The following VPS45 variants were observed in gnomAD, a reference collection of about 807,000 sequenced individuals.
The protein encoded by VPS45 is vacuolar protein sorting 45 homolog.
VPS45 carries 35 observed loss-of-function variants against 75.9 expected under a neutral mutation model. That is an observed-to-expected ratio of 0.46 (90% CI 0.35 to 0.61). VPS45 has a LOEUF of 0.61. Among genes scored for constraint, VPS45 ranks in the 20% least tolerant of loss-of-function variants. The pLI, the probability that VPS45 is intolerant of heterozygous loss-of-function variation, is 0.00. For missense variants in VPS45, 559 were observed against 685.9 expected (o/e 0.81, Z 2.07); for synonymous variants, 220 against 238.2 (o/e 0.92, Z 0.70).
intron 14 of VPS45, among the ~76,000 whole-genome samples, chr1:150,131,886 G>C (rs1553812482): frequency 2.0e-5 from 3 of 151,902 alleles, no homozygotes; most frequent in African/African-American, 7.3e-5. Flanking sequence ...GTGTGGAGAA[G>C]GTCAGTTAAA....
intron 13 of VPS45, among the ~76,000 whole-genome samples, chr1:150,097,328 C>T (rs1656719828): frequency 6.6e-6 from 1 of 151,366 alleles, no homozygotes; most frequent in Non-Finnish European, 1.5e-5. Flanking sequence ...TCGTGATCCG[C>T]CCGCCTCACC....
At chr1:150,125,872 G>C (rs587642660) in intron 14 of VPS45, among the ~76,000 whole-genome samples, 1 of 151,828 alleles carries the variant, frequency 6.6e-6, no homozygotes, top group South Asian at 2.1e-4. Context: ...ATTTTTAGTA[G>C]AGACGGGCTT....
chr1:150,073,894 C>T (rs1553797505), intron 3 of VPS45, among the ~76,000 whole-genome samples: 1 of 151,876 alleles, frequency 6.6e-6, no homozygotes, highest in East Asian at 1.9e-4. Flanking sequence ...TTTTGTCATT[C>T]GAAGAATGTT....
At chr1:150,087,978 A>G (rs1656103031) in intron 10 of VPS45, among the ~76,000 whole-genome samples, 1 of 152,160 alleles carries the variant, frequency 6.6e-6, no homozygotes, top group Admixed American at 6.5e-5. Context: ...ATGGAATACA[A>G]TGTGATGTTT....
intron 13 of VPS45, among the ~76,000 whole-genome samples, chr1:150,096,783 A>G (rs1559918112): frequency 6.6e-6 from 1 of 152,230 alleles, no homozygotes; most frequent in Admixed American, 6.5e-5. Flanking sequence ...CCTCCTGGCC[A>G]TGCCTAACAG....
At chr1:150,134,071 G>A (rs1303983280) in intron 14 of VPS45, among the ~76,000 whole-genome samples, 8 of 152,110 alleles carry the variant, frequency 5.3e-5, no homozygotes, top group African/African-American at 1.7e-4. Flanking sequence ...TTTTGAATAG[G>A]CAATTATATC....
chr1:150,107,727 C>T (rs937402484), intron 13 of VPS45, among the ~76,000 whole-genome samples: 20 of 152,142 alleles, frequency 1.3e-4, no homozygotes, highest in African/African-American at 4.8e-4. Context: ...ATGGTGAAAC[C>T]TCGTCTCTAT....
At chr1:150,128,220 TG>T (rs1298592017) in intron 14 of VPS45, among the ~76,000 whole-genome samples, 1 of 151,582 alleles carries the variant, frequency 6.6e-6, no homozygotes, top group African/African-American at 2.4e-5. Context: ...GAGGATAGCT[TG>T]AGCCCAGGGG....
intron 10 of VPS45, among the ~76,000 whole-genome samples, chr1:150,084,764 A>G (rs1229802609): frequency 3.3e-5 from 5 of 152,030 alleles, no homozygotes; most frequent in Non-Finnish European, 7.4e-5. Flanking sequence ...CTCCTTACCA[A>G]AGTTTCTTTG....
At chr1:150,085,363 A>T (rs1655949660) in intron 10 of VPS45, among the ~76,000 whole-genome samples, 2 of 152,136 alleles carry the variant, frequency 1.3e-5, no homozygotes, top group Admixed American at 6.5e-5. Context: ...AGTTCTTGTA[A>T]TAACTTGTCT....
rs56026495 is a variant in VPS45, at chr1:150,128,302, T to TAAAAAAAAAA, written c.1626-16405_1626-16396dup. 1.9e-3 allele frequency among the ~76,000 whole-genome samples: 276 copies of TAAAAAAAAAA among 145,372 alleles called. 1 individual carries two copies. Among genetic ancestry groups the TAAAAAAAAAA allele is most frequent in the Middle Eastern group, 0.011 (3 of 282 alleles). ...GGGTAACAGAATGGGACCCTTGTCTTAAAAAAAAAAAGAAAATTAACTTGA... is the reference window on the plus strand; with the variant it reads ...GGGTAACAGAATGGGACCCTTGTCTTAAAAAAAAAAAAAAAAAAAAAGAAAATTAACTTGA... On this transcript the variant is annotated intron_variant, in intron 14 of 14. Coordinates refer to ENST00000644510, the MANE Select transcript of VPS45 (RefSeq NM_007259.5).
intron 14 of VPS45, among the ~76,000 whole-genome samples, chr1:150,135,116 T>C (rs952887291): frequency 1.6e-4 from 25 of 152,176 alleles, no homozygotes; most frequent in Non-Finnish European, 2.2e-4. Context: ...TCTTTTGAAG[T>C]GCCCAGTTTC....
chr1:150,076,980 G>C lies in VPS45; in HGVS notation c.434G>C (p.Cys145Ser). The C allele has an allele frequency of 6.2e-7, 1 of 1,614,140 alleles. No individual in the cohort carries two copies. Among genetic ancestry groups the C allele is most frequent in the Non-Finnish European group, 8.5e-7 (1 of 1,180,002 alleles). The change falls in exon 5 of 15, where the codon TGC becomes TCC. Residue 145 changes from cysteine to serine, a missense_variant. By Grantham distance (112) the Cys-to-Ser change is moderately radical (BLOSUM62 -1). Transcript: ENST00000644510. Reference protein sequence around the residue: ...HLFSLNILGCCQGRNWDPAQL... With the variant: ...HLFSLNILGCSQGRNWDPAQL... ...TTTTCCCTCAATATTTTGGGTTGCT[G>C]CCAGGTATGGAAGGAAAGGTTTAAT...
At chr1:150,076,879 G>A in intron 4 of VPS45, 37 bp from the exon 5 acceptor site, 2 of 1,610,482 alleles carry the variant, frequency 1.2e-6, no homozygotes, top group African/African-American at 1.3e-5. Flanking sequence ...TACAATTGAA[G>A]TTTATGGAAT....
intron 14 of VPS45, among the ~76,000 whole-genome samples, chr1:150,139,738 A>G (rs1428317936): frequency 6.6e-6 from 1 of 152,064 alleles, no homozygotes; most frequent in Non-Finnish European, 1.5e-5. Flanking sequence ...AATTTTTTGT[A>G]GAGGGTCTTG....
intron 13 of VPS45, among the ~76,000 whole-genome samples, chr1:150,106,204 AT>A (rs1553805678): frequency 6.6e-6 from 1 of 152,154 alleles, no homozygotes; most frequent in African/African-American, 2.4e-5. Flanking sequence ...TAGGCAAAGA[AT>A]TTATGACAAA....
intron 14 of VPS45, among the ~76,000 whole-genome samples, chr1:150,141,846 A>G (rs1284175725): frequency 6.6e-6 from 1 of 152,244 alleles, no homozygotes; most frequent in Non-Finnish European, 1.5e-5. Context: ...ATGGATGCTC[A>G]TTAAACATTT....
At chr1:150,073,600 A>G (rs587753140) in intron 3 of VPS45, among the ~76,000 whole-genome samples, 4 of 152,234 alleles carry the variant, frequency 2.6e-5, no homozygotes, top group African/African-American at 9.6e-5. Flanking sequence ...TCTTTTTAAA[A>G]TTAAACTTTC....
chr1:150,140,693 A>T lies in VPS45; in HGVS notation c.1626-4016A>T, dbSNP rs587711403. 1.2e-4 allele frequency among the ~76,000 whole-genome samples: 19 copies of T among 152,250 alleles called. No homozygotes were observed. In the South Asian group the frequency reaches 3.9e-3, roughly 32 times the overall value. On this transcript the variant is annotated intron_variant, in intron 14 of 14. Transcript: ENST00000644510. ...AAATTATGTTATTTCTGGAGTGATG[A>T]GGATAAGGAGGGTCAAGGAAGACAA...
Sources: allele counts gnomAD v4.1 joint callset (sites outside exome capture counted in the v4.1 genomes callset), GRCh38; gene constraint gnomAD v4.1.1; transcripts MANE v1.5; gene names NCBI Gene and HGNC (gene_info 2026-07-23, HGNC 2026-07-21).